CORIN: variants seen among roughly 807,000 people sequenced by gnomAD.
CORIN encodes atrial natriuretic peptide-converting enzyme.
CORIN carries 117 observed loss-of-function variants against 125.3 expected under a neutral mutation model. The ratio of observed to expected loss-of-function variants is 0.93; its 90% CI spans 0.80 to 1.09. The LOEUF is 1.09. Ranked by LOEUF, CORIN falls within the 50% of genes least tolerant of loss-of-function variation. The pLI is 0.00. For synonymous variants in CORIN, 450 were observed against 466.4 expected (o/e 0.96, Z 0.45); for missense variants, 1,253 against 1,306.7 (o/e 0.96, Z 0.63).
intron 3 of CORIN, among the ~76,000 whole-genome samples, chr4:47,768,077 C>T (rs1729845859): frequency 6.6e-6 from 1 of 152,200 alleles, no homozygotes; most frequent in Non-Finnish European, 1.5e-5. Flanking sequence ...ATTCCTTCTC[C>T]TGGCTCACCC....
At chr4:47,650,934 T>C (rs1723707285) in intron 13 of CORIN, among the ~76,000 whole-genome samples, 1 of 152,234 alleles carries the variant, frequency 6.6e-6, no homozygotes, top group South Asian at 2.1e-4. Context: ...AACTCTTGTT[T>C]ACATTGGCAA....
rs142180008 is a variant in CORIN, at chr4:47,680,443, C to T, written c.1022-192G>A. The stretch of plus-strand genomic sequence containing the variant: ...TCATGTGCCCCACTGACCACCATCA[C>T]TGTGGGGTAAGATGGGTCTGTTTTT... On this transcript the variant is annotated intron_variant, in intron 7 of 21. Transcript: ENST00000273857. The T allele has an allele frequency of 7.4e-4, 394 of 530,274 alleles. 1 individual carries two copies. Among genetic ancestry groups the T allele is most frequent in the African/African-American group, 5.8e-3 (299 of 51,926 alleles). The allele number at this position is 530,274 out of a possible 1,614,324, so 32.8% of individuals were successfully genotyped here. A position where few individuals can be genotyped will look rare whatever the true frequency, so the allele number is the denominator to read the frequency against.
chr4:47,622,811 A>G (rs1722375933), intron 19 of CORIN, among the ~76,000 whole-genome samples: 1 of 152,092 alleles, frequency 6.6e-6, no homozygotes, highest in African/African-American at 2.4e-5. Flanking sequence ...TGGATTCACC[A>G]AGCCTCCAGA....
Position 47,680,445 on chromosome 4 carries a change from G to T in CORIN, c.1022-194C>A. ...ATGTGCCCCACTGACCACCATCACT[G>T]TGGGGTAAGATGGGTCTGTTTTTCA... On this transcript the variant is annotated intron_variant, in intron 7 of 21. Coordinates refer to ENST00000273857, the MANE Select transcript of CORIN (RefSeq NM_006587.4). 1.7e-5 allele frequency: 9 copies of T among 526,682 alleles called. No individual in the cohort carries two copies. In the South Asian group the frequency reaches 2.0e-4, roughly 12 times the overall value. 32.6% of individuals were successfully genotyped at this position (526,682 alleles called of 1,614,324 possible).
chr4:47,600,170 T>C (rs1173305276), intron 21 of CORIN, 44 bp downstream of exon 21: 2 of 1,565,382 alleles, frequency 1.3e-6, no homozygotes, highest in Middle Eastern at 1.7e-4. Flanking sequence ...TCCACTGAAG[T>C]TATTGTTGAA....
chr4:47,621,937 G>T (rs1722329592), intron 19 of CORIN, among the ~76,000 whole-genome samples: 1 of 148,248 alleles, frequency 6.7e-6, no homozygotes, highest in African/African-American at 2.5e-5. Context: ...CCATGCTGGT[G>T]CACTGCACCC....
At chr4:47,775,355 C>T (rs1577912594) in intron 3 of CORIN, among the ~76,000 whole-genome samples, 2 of 152,180 alleles carry the variant, frequency 1.3e-5, no homozygotes, top group East Asian at 1.9e-4. Context: ...TCTCCTAATG[C>T]TATCTCTCCC....
rs968189807 is a variant in CORIN at position 47,744,274 on chromosome 4, T to C, written c.799+128A>G. 3.5e-6 allele frequency: 3 copies of C among 847,306 alleles called. No individual in the cohort carries two copies. The African/African-American group carries it at 5.2e-5, about 15-fold the overall frequency. 52.5% of individuals were successfully genotyped at this position (847,306 alleles called of 1,614,324 possible). On this transcript the variant is annotated intron_variant, in intron 5 of 21. Transcript: ENST00000273857. The stretch of plus-strand genomic sequence containing the variant: ...ATATTCTATTCCTTGATCTGGGTTC[T>C]GGTTACATGGATCTTGTCACTTGGT...
Position 47,755,240 on chromosome 4 carries a change from C to T in CORIN, c.617+8139G>A, listed in dbSNP as rs527581809. Among the ~76,000 whole-genome samples, 9 of 152,260 alleles carry T rather than the reference C, an allele frequency of 5.9e-5. No homozygotes were observed. The South Asian group carries it at 6.2e-4, about 11-fold the overall frequency. ...CTTCCTTTAGCTAAGTAGGAATTTA[C>T]TTCTCAATGACTTTCAATTACTAGT... On this transcript the variant is annotated intron_variant, in intron 4 of 21. Transcript: ENST00000273857.
At chr4:47,694,294 A>C (rs982489741) in intron 5 of CORIN, among the ~76,000 whole-genome samples, 3 of 152,198 alleles carry the variant, frequency 2.0e-5, no homozygotes, top group African/African-American at 7.2e-5. Context: ...TTTACTTTTT[A>C]CTGTATTGTA....
intron 5 of CORIN, among the ~76,000 whole-genome samples, chr4:47,722,886 TA>T (rs1227535935): frequency 6.6e-6 from 1 of 152,142 alleles, no homozygotes; most frequent in East Asian, 1.9e-4. Flanking sequence ...GGAAGGGAAA[TA>T]AAAACTTAAA....
At chr4:47,670,068 C>T (rs1044840232) in intron 10 of CORIN, among the ~76,000 whole-genome samples, 1 of 152,222 alleles carries the variant, frequency 6.6e-6, no homozygotes, top group Non-Finnish European at 1.5e-5. Context: ...TTGAATCTTG[C>T]TTATCGCACA....
chr4:47,744,912 T>G (rs1560529925), intron 4 of CORIN, among the ~76,000 whole-genome samples: 1 of 152,170 alleles, frequency 6.6e-6, no homozygotes, highest in Non-Finnish European at 1.5e-5. Context: ...AAAATTAACA[T>G]GGAAACGAAG....
chr4:47,763,616 G>C, intron 3 of CORIN, 30 bp from the exon 4 acceptor site: 1 of 1,558,452 alleles, frequency 6.4e-7, no homozygotes, highest in Non-Finnish European at 8.9e-7. Context: ...ACATTTAAGA[G>C]TGGACACATC....
chr4:47,646,961 C>G (rs1472663932), intron 13 of CORIN, among the ~76,000 whole-genome samples: 4 of 152,056 alleles, frequency 2.6e-5, no homozygotes, highest in African/African-American at 9.7e-5. Context: ...ATAAGTGACC[C>G]AAAATGCTTA....
Position 47,653,608 on chromosome 4 carries a change from G to C in CORIN, c.1788C>G (p.Ser596=). 1 of 1,614,028 alleles carries C rather than the reference G, an allele frequency of 6.2e-7. No homozygotes were observed. The highest frequency in any genetic ancestry group is 1.7e-5 in the Admixed American group (1 of 60,014). ...AGTCGGCCTGGCCATCACATCTTCTGGAAGCCAGAACACACTGTCCTGAGC... is the reference window on the plus strand; with the variant it reads ...AGTCGGCCTGGCCATCACATCTTCTCGAAGCCAGAACACACTGTCCTGAGC... The part of the protein sequence containing the change: ...KCRSGQCVLA[S]RRCDGQADCD... Residue 596 remains serine, a synonymous_variant, in exon 13 of 22, where the codon TCC becomes TCG. Transcript: ENST00000273857.
intron 2 of CORIN, among the ~76,000 whole-genome samples, chr4:47,806,061 A>T (rs1731778897): frequency 6.6e-6 from 1 of 152,226 alleles, no homozygotes; most frequent in African/African-American, 2.4e-5. Context: ...CTAACTAATG[A>T]GTTAACCTGT....
At position 47,652,437 on chromosome 4, in the gene CORIN, CT is replaced by C. The variant is rs547488401; in HGVS notation, c.1843+1115del. Among the ~76,000 whole-genome samples the C allele has an allele frequency of 9.8e-5, 15 of 152,330 alleles. No homozygotes were observed. The South Asian group carries it at 3.1e-3, about 32-fold the overall frequency. On this transcript the variant is annotated intron_variant, in intron 13 of 21. Transcript: ENST00000273857. ...GAAATTATTTCAAAAGATGTACTGCCTTACGTGCTTGTCATGAAAGTGTCAA... is the reference window on the plus strand; with the variant it reads ...GAAATTATTTCAAAAGATGTACTGCCTACGTGCTTGTCATGAAAGTGTCAA...
At chr4:47,763,680 T>A in intron 3 of CORIN, 94 bp from the exon 4 acceptor site, 1 of 1,112,570 alleles carries the variant, frequency 9.0e-7, no homozygotes, top group Non-Finnish European at 1.3e-6. Context: ...TAAAGTATAC[T>A]TATCACAAGA....
Sources: allele counts gnomAD v4.1 joint callset (sites outside exome capture counted in the v4.1 genomes callset), GRCh38; gene constraint gnomAD v4.1.1; transcripts MANE v1.5; gene names NCBI Gene and HGNC (gene_info 2026-07-23, HGNC 2026-07-21).